Variants in ETV5 observed in about 807,000 individuals in gnomAD.
ETV5 encodes ETS translocation variant 5.
A neutral mutation model predicts 70.0 loss-of-function variants in ETV5; 10 were observed. That is an observed-to-expected ratio of 0.14 (90% confidence interval 0.09 to 0.24). The LOEUF (loss-of-function observed/expected upper bound fraction) is 0.24. Among genes scored for constraint, ETV5 ranks in the 10% least tolerant of loss-of-function variants. The probability of loss-of-function intolerance (pLI) is 1.00; values close to 1 mark genes in which losing one functional copy is unlikely to be tolerated. For synonymous variants in ETV5, 216 were observed against 242.2 expected (o/e 0.89, Z 1.01); for missense variants, 453 against 651.2 (o/e 0.70, Z 3.31).
rs967363118 is a variant in ETV5 at position 186,054,957 on chromosome 3, G to T, written c.1209+2118C>A. Among the ~76,000 whole-genome samples the T allele has an allele frequency of 6.6e-5, 10 of 152,220 alleles. No homozygotes were observed. Among genetic ancestry groups the T allele is most frequent in the Non-Finnish European group, 1.0e-4 (7 of 68,038 alleles). ...GGGGTGGAAAGCACCATTTCCTGAA[G>T]AAACAAAGCTGCCCGGTCAACCGAG... On this transcript the variant is annotated intron_variant, in intron 11 of 12. Transcript: ENST00000306376. This position sits in a 1 kb window ranked among gnomAD's most constrained non-coding sequence, Gnocchi z 4.4.
At chr3:186,077,646 A>G (rs988856280) in intron 7 of ETV5, among the ~76,000 whole-genome samples, 5 of 152,186 alleles carry the variant, frequency 3.3e-5, no homozygotes, top group African/African-American at 1.2e-4. Flanking sequence ...GACTATATCC[A>G]GGCCCCGCCC....
chr3:186,059,303 T>C (rs913934894), intron 9 of ETV5, among the ~76,000 whole-genome samples: 17 of 152,342 alleles, frequency 1.1e-4, no homozygotes, highest in Admixed American at 9.8e-4. Flanking sequence ...TTATATATTA[T>C]TTAATCCACT....
rs115703632 is a variant in ETV5 at position 186,048,773 on chromosome 3, G to A, written c.1399C>T (p.Leu467=). ...AGGTGGCACTCGGACTCTGCCTTCA[G>A]GAACGGACGCTGGTTATCCGGGAAA... ...MAFPDNQRPF[L]KAESECHLSE... Residue 467 remains leucine, a synonymous_variant, in exon 13 of 13, where the codon CTG becomes TTG. Coordinates refer to ENST00000306376, the MANE Select transcript of ETV5 (RefSeq NM_004454.3). The A allele has an allele frequency of 1.5e-3, 2,362 of 1,614,142 alleles. 32 individuals carry two copies. In the African/African-American group the frequency reaches 0.029, roughly 20 times the overall value.
At chr3:186,108,335 G>A in intron 1 of ETV5, 2 of 482,220 alleles carry the variant, frequency 4.1e-6, no homozygotes, top group South Asian at 3.1e-5. Flanking sequence ...TCGCCGCACA[G>A]CCGGACGCCC....
chr3:186,070,148 C>G (rs1288646251), intron 7 of ETV5, among the ~76,000 whole-genome samples: 2 of 152,148 alleles, frequency 1.3e-5, no homozygotes, highest in African/African-American at 4.8e-5. Context: ...GTAAAGTGCC[C>G]ACATCTTGTG....
chr3:186,070,018 G>T (rs1713563209), intron 7 of ETV5, among the ~76,000 whole-genome samples: 1 of 151,966 alleles, frequency 6.6e-6, no homozygotes, highest in East Asian at 1.9e-4. Context: ...CACCACATTG[G>T]CCAGGCTGGT....
intron 5 of ETV5, among the ~76,000 whole-genome samples, chr3:186,090,286 C>T (rs1714150582): frequency 6.6e-6 from 1 of 152,182 alleles, no homozygotes; most frequent in Admixed American, 6.5e-5. Context: ...TACCTAATGT[C>T]TACGCCAGTG....
intron 5 of ETV5, among the ~76,000 whole-genome samples, chr3:186,103,635 AC>A (rs1714518904): frequency 8.2e-6 from 1 of 122,316 alleles, no homozygotes; most frequent in African/African-American, 3.1e-5. Context: ...ACACACACAC[AC>A]ACACACACAC....
chr3:186,094,185 A>G (rs1466553873), intron 5 of ETV5, among the ~76,000 whole-genome samples: 1 of 152,204 alleles, frequency 6.6e-6, no homozygotes, highest in Non-Finnish European at 1.5e-5. Flanking sequence ...CTTTGTATTA[A>G]TGCTTCGTCA....
rs1054352389 is a variant in ETV5 at position 186,064,201 on chromosome 3, G to A, written c.970+216C>T. On this transcript the variant is annotated intron_variant, in intron 9 of 12. Transcript: ENST00000306376. ...TTGAAACCCTGCGTGCAAAATAATT[G>A]AAGATTACAATCAATCAGCTCTCAT... 5 of 586,220 alleles carry A rather than the reference G, an allele frequency of 8.5e-6. No homozygotes were observed. The East Asian group carries it at 1.4e-4, about 17-fold the overall frequency. The allele number at this position is 586,220 out of a possible 1,614,324, so 36.3% of individuals were successfully genotyped here.
chr3:186,063,255 G>C (rs13064539), intron 9 of ETV5, among the ~76,000 whole-genome samples: 12,758 of 152,258 alleles, frequency 0.084, 602 homozygotes, highest in Middle Eastern at 0.15. Flanking sequence ...GGGCAACAGA[G>C]CGAGACTCCG....
In ETV5 at chr3:186,080,012, G is replaced by T. The variant is rs537105512; in HGVS notation, c.455C>A (p.Pro152Gln). ...SPTHQNPLFP[P>Q]PQATLPTSGH... Reference sequence around the variant, plus strand: ...TGAGGTGGGCAGAGTTGCCTGAGGTGGGGGAAATAGGGGATTCTGATGGGT... The same window carrying T: ...TGAGGTGGGCAGAGTTGCCTGAGGTTGGGGAAATAGGGGATTCTGATGGGT... Residue 152 changes from proline (P) to glutamine (Q), a missense_variant, in exon 7 of 13, where the codon CCA (proline) becomes CAA (glutamine). Around this residue, in one of 4 missense-constraint regions of ETV5, gnomAD observed 307 missense variants for 344.9 expected, o/e 0.89. Transcript: ENST00000306376. 7.2e-5 allele frequency: 112 copies of T among 1,550,264 alleles called. No individual in the cohort carries two copies. The highest frequency in any genetic ancestry group is 7.1e-4 in the Middle Eastern group (4 of 5,662).
At position 186,052,022 on chromosome 3, in the gene ETV5, TG is replaced by T. The variant is rs777172088; in HGVS notation, c.1311+7del. The T allele has an allele frequency of 6.2e-7, 1 of 1,613,150 alleles. No individual in the cohort carries two copies. The highest frequency in any genetic ancestry group is 8.5e-7 in the Non-Finnish European group (1 of 1,179,290). ...AGAGTGGGCTAAGGGTCTTGTATAA[TG>T]GCTCACCTTCTGCATGATGCCCTTT... On this transcript the variant is annotated splice_region_variant and intron_variant, in intron 12 of 12. Coordinates refer to ENST00000306376, the MANE Select transcript of ETV5 (RefSeq NM_004454.3). This position sits in a 1 kb window ranked among gnomAD's most constrained non-coding sequence, Gnocchi z 4.5.
chr3:186,071,096 C>T (rs1254419171), intron 7 of ETV5, among the ~76,000 whole-genome samples: 1 of 152,198 alleles, frequency 6.6e-6, no homozygotes, highest in Admixed American at 6.5e-5. Flanking sequence ...CTCACCCACA[C>T]TCCCAACATT....
intron 5 of ETV5, among the ~76,000 whole-genome samples, chr3:186,085,532 G>C (rs1020250097): frequency 1.3e-4 from 17 of 133,030 alleles, no homozygotes; most frequent in Non-Finnish European, 2.5e-4. Context: ...TTTTGAGATA[G>C]AGTTTCGCCC....
Position 186,052,168 on chromosome 3 carries a change from A to G in ETV5, c.1210-37T>C, listed in dbSNP as rs1713048147. ...GGAAAGTGAAGAGCAATGGAAACGC[A>G]TTCCCTGGGCCCCATGTTCTCTCCC... On this transcript the variant is annotated intron_variant, in intron 11 of 12. Coordinates refer to ENST00000306376, the MANE Select transcript of ETV5 (RefSeq NM_004454.3). The surrounding 1 kb of genome is among the most constrained non-coding windows in gnomAD (Gnocchi z 4.5). 6.3e-7 allele frequency: 1 copy of G among 1,594,436 alleles called. No individual in the cohort carries two copies. The highest frequency in any genetic ancestry group is 1.7e-5 in the Admixed American group (1 of 59,892).
At position 186,048,632 on chromosome 3, in the gene ETV5, CAG is replaced by C; in HGVS notation, c.*5_*6del. The C allele has an allele frequency of 6.2e-7, 1 of 1,613,868 alleles. No homozygotes were observed. Among genetic ancestry groups the C allele is most frequent in the Non-Finnish European group, 8.5e-7 (1 of 1,179,790 alleles). On this transcript the variant is annotated 3_prime_UTR_variant, in exon 13 of 13. Transcript: ENST00000306376. The stretch of plus-strand genomic sequence containing the variant: ...TCTAGGGTTTGGCCACTCCGCCACT[CAG>C]AAACTTAGTAAGCAAAGCCTTCGGC...
intron 1 of ETV5, chr3:186,106,861 G>C (rs1714601164): frequency 1.3e-6 from 1 of 742,534 alleles, no homozygotes; most frequent in Non-Finnish European, 1.6e-6. Context: ...ATTTCAGGGA[G>C]GTACCATCTT....
rs140013919 is a variant in ETV5 at position 186,089,853 on chromosome 3, A to G, written c.233-8678T>C. 3.1e-3 allele frequency among the ~76,000 whole-genome samples: 473 copies of G among 152,346 alleles called. 6 individuals carry two copies. The highest frequency in any genetic ancestry group is 0.01 in the African/African-American group (435 of 41,574). ...AACCATTATCAACATTGCTAAAGAG[A>G]TATCTGGAGACAACTGGGGAATTCC... is the stretch of plus-strand genomic sequence containing the variant. On this transcript the variant is annotated intron_variant, in intron 5 of 12. Transcript: ENST00000306376.
Sources: allele counts gnomAD v4.1 joint callset (sites outside exome capture counted in the v4.1 genomes callset), GRCh38; gene constraint gnomAD v4.1.1; regional missense constraint gnomAD v4.1.1; non-coding constraint Gnocchi (gnomAD v3.1); transcripts MANE v1.5; gene names NCBI Gene and HGNC (gene_info 2026-07-23, HGNC 2026-07-21).